VASP: variants seen among roughly 807,000 people sequenced by gnomAD.
VASP encodes vasodilator-stimulated phosphoprotein.
A neutral mutation model predicts 54.4 loss-of-function variants in VASP; 27 were observed. The observed-to-expected ratio is 0.50, with a 90% CI of 0.37 to 0.68. The LOEUF is 0.68. VASP is among the 30% of genes least tolerant of loss of function. VASP has a pLI of 0.00. For synonymous variants in VASP, 233 were observed against 209.8 expected, an observed-to-expected ratio of 1.11 and a Z score of -0.96; for missense variants, 488 against 528.3, an observed-to-expected ratio of 0.92 and a Z score of 0.75.
intron 1 of VASP, among the ~76,000 whole-genome samples, chr19:45,517,022 G>C (rs1223550934): frequency 6.6e-6 from 1 of 150,510 alleles, no homozygotes; most frequent in Non-Finnish European, 1.5e-5. Flanking sequence ...GTCGGGTGTG[G>C]TGGTGCATGC....
intron 1 of VASP, among the ~76,000 whole-genome samples, chr19:45,509,513 C>T (rs991300060): frequency 2.1e-4 from 27 of 129,780 alleles, no homozygotes; most frequent in African/African-American, 7.8e-4. Context: ...GGCCCCCTGT[C>T]CTCCCCACCA....
chr19:45,518,256 C>T (rs2239378), intron 3 of VASP, among the ~76,000 whole-genome samples, 162 bp downstream of exon 3: 56,595 of 152,038 alleles, frequency 0.37, 11,137 homozygotes, highest in Middle Eastern at 0.52. Flanking sequence ...CCAGTGTGAC[C>T]GTGTGCACCT....
At chr19:45,510,838 C>A (rs968386601) in intron 1 of VASP, among the ~76,000 whole-genome samples, 1 of 150,426 alleles carries the variant, frequency 6.6e-6, no homozygotes, top group Admixed American at 6.7e-5. Context: ...GAGGCTGAGG[C>A]GAGAGGATCG....
chr19:45,509,710 G>C (rs1301870829), intron 1 of VASP, among the ~76,000 whole-genome samples: 1 of 152,212 alleles, frequency 6.6e-6, no homozygotes, highest in Non-Finnish European at 1.5e-5. Flanking sequence ...CCTGCAGGTG[G>C]TCACACCCGA....
Position 45,526,597 on chromosome 19 carries a change from A to AT in VASP, c.*429dup, listed in dbSNP as rs568141199. The AT allele has an allele frequency of 8.5e-5, 13 of 152,686 alleles. No individual in the cohort carries two copies. Among genetic ancestry groups the AT allele is most frequent in the East Asian group, 1.9e-4 (1 of 5,192 alleles). The allele number at this position is 152,686 out of a possible 1,614,324, so 9.5% of individuals were successfully genotyped here. A position where few individuals can be genotyped will look rare whatever the true frequency, so the allele number is the denominator to read the frequency against. ...ATTTGGGTTTTGGGGGAAAAGGGAA[A>AT]TTTTTTTTTCTCTTTGGTTTTGATA... On this transcript the variant is annotated 3_prime_UTR_variant, in exon 13 of 13. Coordinates refer to ENST00000245932, the MANE Select transcript of VASP (RefSeq NM_003370.4).
chr19:45,510,761 C>T (rs373507400), intron 1 of VASP, among the ~76,000 whole-genome samples: 19 of 152,136 alleles, frequency 1.2e-4, no homozygotes, highest in African/African-American at 4.3e-4. Context: ...GGTGTAACCC[C>T]GTCTCTACAA....
intron 1 of VASP, among the ~76,000 whole-genome samples, chr19:45,513,466 T>TC (rs202216358): frequency 7.2e-5 from 9 of 125,070 alleles, no homozygotes; most frequent in African/African-American, 2.4e-4. Flanking sequence ...CTAGTCTCTC[T>TC]CCTTTTTTTT....
chr19:45,517,494 T>G (rs1968728539), intron 1 of VASP, among the ~76,000 whole-genome samples, 169 bp from the exon 2 acceptor site: 1 of 152,068 alleles, frequency 6.6e-6, no homozygotes, highest in Non-Finnish European at 1.5e-5. Context: ...TCTCCTGATC[T>G]GATTTTCTCT....
intron 3 of VASP, 27 bp downstream of exon 3, chr19:45,518,121 A>C: frequency 6.2e-7 from 1 of 1,606,090 alleles, no homozygotes; most frequent in Admixed American, 1.7e-5. Context: ...GGCAAAGGGG[A>C]CCAGTGAATG....
At chr19:45,509,774 C>T (rs757750486) in intron 1 of VASP, among the ~76,000 whole-genome samples, 5 of 152,208 alleles carry the variant, frequency 3.3e-5, no homozygotes, top group Non-Finnish European at 7.3e-5. Context: ...AACCCATGCC[C>T]CTATTACCCA....
rs111268229 is a variant in VASP at position 45,522,820 on chromosome 19, T to G, written c.821+2T>G. 4 of 1,603,282 alleles carry G rather than the reference T, an allele frequency of 2.5e-6. No homozygotes were observed. Among genetic ancestry groups the G allele is most frequent in the African/African-American group, 2.7e-5 (2 of 73,774 alleles). On this transcript the variant is annotated splice_donor_variant, in intron 7 of 12. Transcript: ENST00000245932. LOFTEE classifies it high-confidence loss of function. ...GATGAACGCCATGCTGGCCCGGAGG[T>G]GAGCCTGAGCCTGGACCCCCAAGTC...
chr19:45,515,640 G>A (rs565794428), intron 1 of VASP, among the ~76,000 whole-genome samples: 5 of 152,248 alleles, frequency 3.3e-5, no homozygotes, highest in East Asian at 1.9e-4. Flanking sequence ...GGGTTCAAGC[G>A]ATTCTCCTGC....
intron 7 of VASP, 75 bp from the exon 8 acceptor site, chr19:45,523,569 A>T: frequency 6.5e-7 from 1 of 1,538,932 alleles, no homozygotes; most frequent in Non-Finnish European, 8.9e-7. Context: ...GCTAGGATCT[A>T]CATTTCTAGA....
chr19:45,525,883 G>A (rs1460630238), intron 11 of VASP, 63 bp from the exon 12 acceptor site: 4 of 1,510,522 alleles, frequency 2.6e-6, no homozygotes, highest in Non-Finnish European at 2.7e-6. Flanking sequence ...AATAAAAGAA[G>A]GGGGATTCAT....
intron 1 of VASP, among the ~76,000 whole-genome samples, chr19:45,514,382 G>A (rs1174139120): frequency 1.4e-5 from 2 of 146,190 alleles, no homozygotes; most frequent in South Asian, 2.2e-4. Context: ...GTAGGTTTTT[G>A]TTAGTTTGTT....
intron 1 of VASP, among the ~76,000 whole-genome samples, chr19:45,517,219 T>C (rs1968722024): frequency 6.6e-6 from 1 of 151,758 alleles, no homozygotes; most frequent in South Asian, 2.1e-4. Flanking sequence ...TCTGAAATGC[T>C]TGGGCTCAAG....
Position 45,517,823 on chromosome 19 carries a change from C to G in VASP, c.166C>G (p.Pro56Ala). ...TCGCGTCGTGGGCCGGAAGATGCAG[C>G]CCGACCAGCAGGTGCAGCTTCCCGC... ...SFRVVGRKMQ[P>A]DQQVVINCAI... Residue 56 changes from proline to alanine, a missense_variant, in exon 2 of 13, where the codon CCC (proline) becomes GCC (alanine). Physicochemically the swap from Pro to Ala is conservative, Grantham distance 27. Transcript: ENST00000245932. The G allele has an allele frequency of 2.5e-6, 4 of 1,613,380 alleles. No individual in the cohort carries two copies. The highest frequency in any genetic ancestry group is 3.4e-6 in the Non-Finnish European group (4 of 1,179,882).
chr19:45,517,181 T>TG (rs1274963836), intron 1 of VASP, among the ~76,000 whole-genome samples: 4 of 151,356 alleles, frequency 2.6e-5, no homozygotes, highest in Admixed American at 1.3e-4. Flanking sequence ...TTATTAGAGA[T>TG]GGGGTCTCAC....
chr19:45,513,549 G>A (rs1166905132), intron 1 of VASP, among the ~76,000 whole-genome samples: 1 of 142,630 alleles, frequency 7.0e-6, no homozygotes, highest in Non-Finnish European at 1.5e-5. Flanking sequence ...TCGGCTCACT[G>A]CAACTGCCTC....
Sources: allele counts gnomAD v4.1 joint callset (sites outside exome capture counted in the v4.1 genomes callset), GRCh38; gene constraint gnomAD v4.1.1; transcripts MANE v1.5; gene names NCBI Gene and HGNC (gene_info 2026-07-23, HGNC 2026-07-21).